The following HMCN1 variants were observed in gnomAD, a reference collection of about 807,000 sequenced individuals.
HMCN1 encodes hemicentin-1.
HMCN1 carries 321 observed loss-of-function variants against 625.9 expected under a neutral mutation model. The ratio of observed to expected loss-of-function variants is 0.51; its 90% confidence interval spans 0.47 to 0.56. The LOEUF is 0.56. Among genes scored for constraint, HMCN1 ranks in the 20% least tolerant of loss-of-function variants. The pLI is 0.00. For synonymous variants in HMCN1, 2,425 were observed against 2,417.6 expected (o/e 1.00, Z -0.09); for missense variants, 6,588 against 6,887.3 (o/e 0.96, Z 1.54).
intron 11 of HMCN1, among the ~76,000 whole-genome samples, chr1:185,936,191 T>G (rs1667805839): frequency 6.6e-6 from 1 of 152,112 alleles, no homozygotes; most frequent in Non-Finnish European, 1.5e-5. Context: ...TACAAGTTTT[T>G]TGTAGTAATT....
chr1:186,140,288 T>C (rs1649872860), intron 89 of HMCN1, among the ~76,000 whole-genome samples: 1 of 152,208 alleles, frequency 6.6e-6, no homozygotes, highest in Non-Finnish European at 1.5e-5. Flanking sequence ...TTGTGTCCCT[T>C]TGGTCTCTTT....
intron 100 of HMCN1, among the ~76,000 whole-genome samples, chr1:186,168,447 CAAA>C (rs35413214): frequency 8.2e-6 from 1 of 122,606 alleles, no homozygotes. Flanking sequence ...GACTCTGTTT[CAAA>C]AAAAAAAAAA....
At chr1:185,927,779 A>G (rs1010639611) in intron 9 of HMCN1, among the ~76,000 whole-genome samples, 2 of 152,170 alleles carry the variant, frequency 1.3e-5, no homozygotes, top group Non-Finnish European at 2.9e-5. Flanking sequence ...AGAAAAAATT[A>G]TGAAAACATT....
rs953354025 is a variant in HMCN1, at chr1:185,940,990, G to A, written c.1828+7166G>A. Among the ~76,000 whole-genome samples the A allele has an allele frequency of 3.9e-5, 6 of 152,066 alleles. No homozygotes were observed. In the South Asian group the frequency reaches 6.2e-4, roughly 16 times the overall value. On this transcript the variant is annotated intron_variant, in intron 11 of 106. Coordinates refer to ENST00000271588, the MANE Select transcript of HMCN1 (RefSeq NM_031935.3). ...TTGGTCAGGCTAGTCTCAAACTCCC[G>A]ACCTCAGGGGATCTGCCTGCCTTGG...
chr1:185,771,348 T>C (rs990063420), intron 1 of HMCN1, among the ~76,000 whole-genome samples: 8 of 152,160 alleles, frequency 5.3e-5, no homozygotes, highest in Non-Finnish European at 8.8e-5. Flanking sequence ...GCTTTCAACA[T>C]AAGCATGAAA....
intron 105 of HMCN1, among the ~76,000 whole-genome samples, chr1:186,183,143 A>G (rs1329271592): frequency 1.3e-5 from 2 of 152,232 alleles, no homozygotes; most frequent in Admixed American, 1.3e-4. Context: ...AATTTGTGTC[A>G]TGGAAAATTA....
intron 96 of HMCN1, 93 bp from the exon 97 acceptor site, chr1:186,153,657 T>C (rs1199168458): frequency 3.0e-6 from 3 of 1,014,290 alleles, no homozygotes; most frequent in Non-Finnish European, 3.2e-6. Context: ...TCCTAATCCT[T>C]TTTCCCCGCT....
At chr1:185,964,932 G>A (rs1650295966) in intron 13 of HMCN1, among the ~76,000 whole-genome samples, 1 of 152,088 alleles carries the variant, frequency 6.6e-6, no homozygotes, top group African/African-American at 2.4e-5. Flanking sequence ...GTGAGGAACT[G>A]TAACAGGGTA....
At chr1:186,116,401 C>T (rs148704892) in intron 75 of HMCN1, among the ~76,000 whole-genome samples, 166 of 146,676 alleles carry the variant, frequency 1.1e-3, no homozygotes, top group African/African-American at 3.9e-3. Flanking sequence ...TACACACATA[C>T]ACACACTTGT....
intron 1 of HMCN1, among the ~76,000 whole-genome samples, chr1:185,835,289 G>A (rs897971353): frequency 6.6e-6 from 1 of 152,198 alleles, no homozygotes; most frequent in Non-Finnish European, 1.5e-5. Flanking sequence ...ACTGATCACA[G>A]TGATACCAGA....
At chr1:186,106,125 A>G (rs1168142607) in intron 69 of HMCN1, among the ~76,000 whole-genome samples, 4 of 152,216 alleles carry the variant, frequency 2.6e-5, no homozygotes, top group African/African-American at 9.6e-5. Flanking sequence ...TATTCTGGGA[A>G]TGTTCAAGTA....
At chr1:185,904,273 CA>C (rs1665973679) in intron 4 of HMCN1, among the ~76,000 whole-genome samples, 1 of 151,802 alleles carries the variant, frequency 6.6e-6, no homozygotes, top group African/African-American at 2.4e-5. Flanking sequence ...TCTGGTTATC[CA>C]GAGGGGAATC....
chr1:185,900,135 C>T (rs1479036971), intron 4 of HMCN1, among the ~76,000 whole-genome samples: 1 of 151,904 alleles, frequency 6.6e-6, no homozygotes, highest in Admixed American at 6.6e-5. Context: ...TTTTGGTATG[C>T]TGATGAGTCT....
chr1:186,182,414 A>T (rs2102668265), intron 105 of HMCN1, 127 bp downstream of exon 105: 1 of 1,094,722 alleles, frequency 9.1e-7, no homozygotes, highest in East Asian at 2.6e-5. Context: ...GTGGGTCAGA[A>T]TTATGTTCAG....
chr1:186,094,574 T>C (rs1303636794), intron 67 of HMCN1, among the ~76,000 whole-genome samples: 1 of 152,156 alleles, frequency 6.6e-6, no homozygotes, highest in Non-Finnish European at 1.5e-5. Context: ...TTTATCAAAA[T>C]ACTGATCTAG....
intron 39 of HMCN1, among the ~76,000 whole-genome samples, chr1:186,040,700 C>T (rs1055629031): frequency 6.6e-6 from 1 of 152,124 alleles, no homozygotes; most frequent in Admixed American, 6.6e-5. Context: ...TTTATTCTCA[C>T]TCATGTTTCT....
Position 185,962,552 on chromosome 1 carries a change from G to A in HMCN1, c.1863G>A (p.Gln621=), listed in dbSNP as rs758510421. ...AAGTCACTGTGATGCCCAAGAATCA[G>A]TCTTTCACAGGAGGGTCTGAGGTCT... is the stretch of plus-strand genomic sequence containing the variant. ...PPKVTVMPKN[Q]SFTGGSEVSI... is the part of the protein sequence containing the mutation. The change falls in exon 12 of 107, where the codon CAG becomes CAA. Residue 621 remains glutamine, a synonymous_variant. Transcript: ENST00000271588. The A allele has an allele frequency of 1.7e-5, 27 of 1,612,940 alleles. No homozygotes were observed. Among genetic ancestry groups the A allele is most frequent in the Non-Finnish European group, 2.2e-5 (26 of 1,179,110 alleles).
In HMCN1 at chr1:185,989,557, T is replaced by A. The variant is rs886160481; in HGVS notation, c.3118T>A (p.Ser1040Thr). ...AGCTGATGGTAGTCTGTATGTGGTA[T>A]CACCTGGAGGAGAGGAGAGTGGGGA... ...AGADGSLYVV[S>T]PGGEESGEYV... The change falls in exon 21 of 107, where the codon TCA (serine) becomes ACA (threonine). Residue 1040 changes from serine (S) to threonine (T), a missense_variant. Ser to Thr is a moderately conservative substitution (Grantham distance 58). Coordinates refer to ENST00000271588, the MANE Select transcript of HMCN1 (RefSeq NM_031935.3). 3.1e-6 allele frequency: 5 copies of A among 1,613,960 alleles called. No individual in the cohort carries two copies. Among genetic ancestry groups the A allele is most frequent in the Non-Finnish European group, 4.2e-6 (5 of 1,179,976 alleles).
intron 102 of HMCN1, among the ~76,000 whole-genome samples, chr1:186,172,686 C>A (rs1452387934): frequency 1.3e-5 from 2 of 152,112 alleles, no homozygotes; most frequent in Non-Finnish European, 2.9e-5. Context: ...GCCTGGTTAG[C>A]AGAGCTAGCA....
Sources: gnomAD v4.1 joint callset for allele counts (sites outside exome capture counted in the v4.1 genomes callset) on GRCh38, gnomAD v4.1.1 for gene constraint, MANE v1.5 for transcripts, NCBI Gene and HGNC (gene_info 2026-07-23, HGNC 2026-07-21) for gene names.